ST18: variants seen among roughly 807,000 people sequenced by gnomAD.
ST18 encodes suppression of tumorigenicity 18 protein.
A neutral mutation model predicts 110.0 loss-of-function variants in ST18; 50 were observed. The ratio of observed to expected loss-of-function variants is 0.45; its 90% confidence interval spans 0.36 to 0.58. ST18 has a LOEUF of 0.58. Among genes scored for constraint, ST18 ranks in the 20% least tolerant of loss-of-function variants. The pLI is 0.00. For missense variants in ST18, 1,306 were observed against 1,280.1 expected (o/e 1.02, Z -0.31); for synonymous variants, 461 against 452.4 (o/e 1.02, Z -0.24).
At chr8:52,272,190 A>G (rs2095097160) in intron 2 of ST18, among the ~76,000 whole-genome samples, 1 of 152,208 alleles carries the variant, frequency 6.6e-6, no homozygotes, top group Non-Finnish European at 1.5e-5. Flanking sequence ...GCAACAAAAA[A>G]CAAAAATAAA....
At chr8:52,390,965 T>C (rs1398647706) in intron 2 of ST18, among the ~76,000 whole-genome samples, 1 of 152,224 alleles carries the variant, frequency 6.6e-6, no homozygotes, top group Non-Finnish European at 1.5e-5. Context: ...AACAACAGTC[T>C]ATTCATCTTT....
At chr8:52,144,478 C>A (rs1017682376) in intron 16 of ST18, among the ~76,000 whole-genome samples, 1 of 152,030 alleles carries the variant, frequency 6.6e-6, no homozygotes, top group African/African-American at 2.4e-5. Context: ...TCTCAGTCAT[C>A]AAGGCAAATG....
chr8:52,346,692 TA>T (rs1309961201), intron 2 of ST18, among the ~76,000 whole-genome samples: 1 of 152,142 alleles, frequency 6.6e-6, no homozygotes, highest in Non-Finnish European at 1.5e-5. Context: ...TGAAGGAAAA[TA>T]TTTTTTTTAA....
chr8:52,232,770 T>C (rs995957805), intron 2 of ST18, among the ~76,000 whole-genome samples: 1 of 151,932 alleles, frequency 6.6e-6, no homozygotes, highest in Non-Finnish European at 1.5e-5. Flanking sequence ...ATAAGATAAA[T>C]TATAGAATAA....
intron 19 of ST18, among the ~76,000 whole-genome samples, chr8:52,135,935 T>C (rs2052041980): frequency 6.6e-6 from 1 of 152,250 alleles, no homozygotes; most frequent in Non-Finnish European, 1.5e-5. Context: ...TAGTTTTGTT[T>C]AATCCTATTT....
At chr8:52,337,338 A>T (rs1812623399) in intron 2 of ST18, among the ~76,000 whole-genome samples, 1 of 152,204 alleles carries the variant, frequency 6.6e-6, no homozygotes, top group Admixed American at 6.5e-5. Flanking sequence ...TCGTCTGGCA[A>T]AGGTTTTGGC....
chr8:52,147,772 C>T (rs1276715672), intron 16 of ST18, among the ~76,000 whole-genome samples: 1 of 152,156 alleles, frequency 6.6e-6, no homozygotes, highest in Non-Finnish European at 1.5e-5. Flanking sequence ...GTCAGGTTTC[C>T]CTTTAGGTCT....
rs149282668 is a variant in ST18, at chr8:52,162,912, T to C, written c.1400+1074A>G. Among the ~76,000 whole-genome samples the C allele has an allele frequency of 3.4e-3, 512 of 152,352 alleles. 1 individual carries two copies. The highest frequency in any genetic ancestry group is 5.6e-3 in the Non-Finnish European group (381 of 68,026). On this transcript the variant is annotated intron_variant, in intron 13 of 25. Coordinates refer to ENST00000689386, the MANE Select transcript of ST18 (RefSeq NM_001352837.2). ...TGGATTAGATTTTACAAAAACTTTTTAGCTGCTATATAAAAATATCTGAGC... is the reference window on the plus strand; with the variant it reads ...TGGATTAGATTTTACAAAAACTTTTCAGCTGCTATATAAAAATATCTGAGC...
chr8:52,180,702 A>G (rs2134206579), intron 8 of ST18, among the ~76,000 whole-genome samples: 1 of 152,356 alleles, frequency 6.6e-6, no homozygotes, highest in South Asian at 2.1e-4. Flanking sequence ...GATAAATCAC[A>G]AGATTTTTCA....
At chr8:52,165,257 T>C (rs756711514) in intron 11 of ST18, 32 bp from the exon 12 acceptor site, 19 of 1,607,278 alleles carry the variant, frequency 1.2e-5, no homozygotes, top group South Asian at 2.2e-5. Context: ...AAGGAAAGAA[T>C]ACTTTACCAT....
At chr8:52,251,873 A>AT (rs574673852) in intron 2 of ST18, among the ~76,000 whole-genome samples, 1 of 152,184 alleles carries the variant, frequency 6.6e-6, no homozygotes, top group African/African-American at 2.4e-5. Context: ...TGGGATTTTG[A>AT]ATTTCATGAT....
At chr8:52,163,956 A>C in intron 13 of ST18, 30 bp downstream of exon 13, 1 of 1,551,748 alleles carries the variant, frequency 6.4e-7, no homozygotes, top group Non-Finnish European at 8.9e-7. Flanking sequence ...GGATGAAGAG[A>C]GCACTGAGAA....
At chr8:52,354,832 GC>G (rs751101804) in intron 2 of ST18, among the ~76,000 whole-genome samples, 1 of 152,200 alleles carries the variant, frequency 6.6e-6, no homozygotes, top group Non-Finnish European at 1.5e-5. Flanking sequence ...TCCTTCAACA[GC>G]CCACCTCTAA....
chr8:52,141,662 G>A (rs576923120), intron 17 of ST18, among the ~76,000 whole-genome samples: 3 of 152,238 alleles, frequency 2.0e-5, no homozygotes, highest in Admixed American at 6.5e-5. Flanking sequence ...GAAGAGCTGC[G>A]CTGAGGGAGG....
At chr8:52,374,071 C>G (rs191505041) in intron 2 of ST18, among the ~76,000 whole-genome samples, 5 of 152,304 alleles carry the variant, frequency 3.3e-5, no homozygotes. Flanking sequence ...GAAAATTCAA[C>G]CAATCCAAAG....
At chr8:52,212,150 G>A (rs1201945361) in intron 7 of ST18, 41 bp from the exon 8 acceptor site, 2 of 1,577,048 alleles carry the variant, frequency 1.3e-6, no homozygotes, top group Non-Finnish European at 8.6e-7. Context: ...TTAATCAGTT[G>A]ATAATTTTCA....
intron 2 of ST18, among the ~76,000 whole-genome samples, chr8:52,320,332 G>A (rs1306079301): frequency 6.6e-6 from 1 of 152,124 alleles, no homozygotes; most frequent in African/African-American, 2.4e-5. Flanking sequence ...CACAGGGCTG[G>A]AGGGCAGACA....
At chr8:52,139,963 A>G (rs954503764) in intron 17 of ST18, among the ~76,000 whole-genome samples, 1 of 152,208 alleles carries the variant, frequency 6.6e-6, no homozygotes, top group Non-Finnish European at 1.5e-5. Context: ...TTGTTTTCAG[A>G]TGAAAATACA....
Position 52,110,955 on chromosome 8 carries a change from C to G in ST18, c.*2243G>C. 2 of 398,076 alleles carry G rather than the reference C, an allele frequency of 5.0e-6. No individual in the cohort carries two copies. Among genetic ancestry groups the G allele is most frequent in the African/African-American group, 2.1e-5 (1 of 48,664 alleles). 24.7% of individuals were successfully genotyped at this position (398,076 alleles called of 1,614,324 possible). A position where few individuals can be genotyped will look rare whatever the true frequency, so the allele number is the denominator to read the frequency against. ...GAAACAGTATACAAACAAACTACCTCAAATTAAAAAAAATGCATACATCAT... is the reference window on the plus strand; with the variant it reads ...GAAACAGTATACAAACAAACTACCTGAAATTAAAAAAAATGCATACATCAT... On this transcript the variant is annotated 3_prime_UTR_variant, in exon 26 of 26. Transcript: ENST00000689386.
Sources: allele counts gnomAD v4.1 joint callset (sites outside exome capture counted in the v4.1 genomes callset), GRCh38; gene constraint gnomAD v4.1.1; transcripts MANE v1.5; gene names NCBI Gene and HGNC (gene_info 2026-07-23, HGNC 2026-07-21).